EYA1: variants seen among roughly 807,000 people sequenced by gnomAD.
EYA1 encodes the protein protein phosphatase EYA1.
EYA1 carries 16 observed loss-of-function variants against 82.0 expected under a neutral mutation model. That is an observed-to-expected ratio of 0.20 (90% CI 0.13 to 0.30). The LOEUF (loss-of-function observed/expected upper bound fraction) is 0.30. Among genes scored for constraint, EYA1 ranks in the 10% least tolerant of loss-of-function variants. EYA1 has a pLI of 1.00. For missense variants in EYA1, 633 were observed against 730.7 expected, an observed-to-expected ratio of 0.87 and a Z score of 1.54; for synonymous variants, 261 against 264.4, an observed-to-expected ratio of 0.99 and a Z score of 0.12.
chr8:71,404,986 T>C (rs1830142889), intron 2 of EYA1: 2 of 151,594 alleles, frequency 1.3e-5, no homozygotes, highest in African/African-American at 2.4e-5. Flanking sequence ...CTTCACCTTA[T>C]TTTACATAGC....
intron 2 of EYA1, among the ~76,000 whole-genome samples, chr8:71,436,177 A>T (rs2129166144): frequency 6.6e-6 from 1 of 152,272 alleles, no homozygotes; most frequent in African/African-American, 2.4e-5. Context: ...CATAATGTAC[A>T]TAAAAGTCAC....
intron 11 of EYA1, among the ~76,000 whole-genome samples, chr8:71,257,068 A>T (rs968513667): frequency 3.9e-5 from 6 of 152,142 alleles, no homozygotes; most frequent in Non-Finnish European, 7.4e-5. Context: ...ATATTACAGA[A>T]TTATTTTTAA....
At chr8:71,492,790 G>T (rs1436880936) in intron 2 of EYA1, among the ~76,000 whole-genome samples, 3 of 152,028 alleles carry the variant, frequency 2.0e-5, no homozygotes, top group African/African-American at 7.2e-5. Context: ...TAAGTTCAGG[G>T]TACATGTGTA....
Position 71,322,288 on chromosome 8 carries a change from C to T in EYA1, c.203-20G>A. 3.1e-6 allele frequency: 5 copies of T among 1,601,722 alleles called. No individual in the cohort carries two copies. The highest frequency in any genetic ancestry group is 4.3e-6 in the Non-Finnish European group (5 of 1,168,942). On this transcript the variant is annotated intron_variant, in intron 4 of 17. Coordinates refer to ENST00000340726, the MANE Select transcript of EYA1 (RefSeq NM_000503.6). Reference sequence around the variant, plus strand: ...CAATTGCTGGAAAACAAAAACAAAACAAAATAATGCACAATAATCCAAGCA... The same window carrying T: ...CAATTGCTGGAAAACAAAAACAAAATAAAATAATGCACAATAATCCAAGCA...
intron 2 of EYA1, among the ~76,000 whole-genome samples, chr8:71,471,682 G>A (rs1451921523): frequency 6.6e-6 from 1 of 152,020 alleles, no homozygotes; most frequent in Non-Finnish European, 1.5e-5. Context: ...ATTCCTCACA[G>A]CATGGAGCTT....
At chr8:71,536,537 A>T (rs1814728839) in intron 1 of EYA1, among the ~76,000 whole-genome samples, 1 of 152,214 alleles carries the variant, frequency 6.6e-6, no homozygotes, top group Non-Finnish European at 1.5e-5. Context: ...TTTAAATGCC[A>T]TTCTAATTTC....
At chr8:71,266,140 T>C (rs899156709) in intron 11 of EYA1, among the ~76,000 whole-genome samples, 2 of 152,256 alleles carry the variant, frequency 1.3e-5, no homozygotes, top group Admixed American at 1.3e-4. Flanking sequence ...TTCTCAAGTA[T>C]CTGGTTCCCT....
At chr8:71,285,314 C>G (rs769636792) in intron 9 of EYA1, among the ~76,000 whole-genome samples, 36 of 151,560 alleles carry the variant, frequency 2.4e-4, no homozygotes, top group Non-Finnish European at 4.6e-4. Flanking sequence ...GAAACATATA[C>G]TTTAAGAAAA....
At chr8:71,251,390 C>A (rs1813729351) in intron 11 of EYA1, among the ~76,000 whole-genome samples, 1 of 152,168 alleles carries the variant, frequency 6.6e-6, no homozygotes, top group Non-Finnish European at 1.5e-5. Flanking sequence ...GTTCTTCACC[C>A]AAACAAAACT....
intron 7 of EYA1, among the ~76,000 whole-genome samples, chr8:71,317,285 G>A (rs946625051): frequency 1.3e-5 from 2 of 152,150 alleles, no homozygotes; most frequent in African/African-American, 4.8e-5. Flanking sequence ...AGACACAAAG[G>A]CAAAAATGTC....
intron 2 of EYA1, among the ~76,000 whole-genome samples, chr8:71,417,907 C>T (rs1239061503): frequency 1.3e-5 from 2 of 152,218 alleles, no homozygotes; most frequent in African/African-American, 4.8e-5. Context: ...AGTCCCTTTT[C>T]TTTCCTAAGT....
At position 71,321,910 on chromosome 8, in the gene EYA1, G is replaced by A. The variant is rs188212158; in HGVS notation, c.273-31C>T. 14 of 1,613,982 alleles carry A rather than the reference G, an allele frequency of 8.7e-6. No individual in the cohort carries two copies. The Admixed American group carries it at 1.3e-4, about 15-fold the overall frequency. ...TGTCAGAAATGACAGAAAATAGAAA[G>A]CCCATGCATTAGATGGAAACATGCA... is the stretch of plus-strand genomic sequence containing the variant. On this transcript the variant is annotated intron_variant, in intron 5 of 17. Transcript: ENST00000340726.
chr8:71,273,554 A>C (rs1315925063), intron 9 of EYA1, among the ~76,000 whole-genome samples: 1 of 152,248 alleles, frequency 6.6e-6, no homozygotes, highest in Non-Finnish European at 1.5e-5. Context: ...TTAAGTAGTC[A>C]AGTGGATTCA....
At chr8:71,501,661 C>T (rs1448754416) in intron 2 of EYA1, among the ~76,000 whole-genome samples, 9 of 152,160 alleles carry the variant, frequency 5.9e-5, no homozygotes, top group South Asian at 2.1e-4. Flanking sequence ...AAGGAGCGTT[C>T]GCCTCTGGGA....
rs112624075 is a variant in EYA1, at chr8:71,434,843, C to T, written c.34-78332G>A. 4.2e-4 allele frequency among the ~76,000 whole-genome samples: 64 copies of T among 152,134 alleles called. 1 individual carries two copies. The highest frequency in any genetic ancestry group is 1.3e-3 in the African/African-American group (54 of 41,522). ...GAAAGCTAAAATGCCTCCCTACTTA[C>T]GGGAGGGAATACAAGTTTTCATACA... On this transcript the variant is annotated intron_variant, in intron 2 of 18. Transcript: ENST00000643681.
At position 71,271,871 on chromosome 8, in the gene EYA1, T is replaced by C. The variant is rs781635264; in HGVS notation, c.853A>G (p.Thr285Ala). Residue 285 changes from threonine (T) to alanine (A), a missense_variant, in exon 10 of 18, where the codon ACA becomes GCA. Coordinates refer to ENST00000340726, the MANE Select transcript of EYA1 (RefSeq NM_000503.6). ...AEYSTIHSPS[T>A]PIKDSDSDRL... ...TCAGAATCTGAATCTTTAATGGGTG[T>C]TGATGGGCTGTGGATTGTGCTGTAC... 1.9e-6 allele frequency: 3 copies of C among 1,614,196 alleles called. No individual in the cohort carries two copies. The highest frequency in any genetic ancestry group is 2.5e-6 in the Non-Finnish European group (3 of 1,180,038).
intron 16 of EYA1, 131 bp downstream of exon 16, chr8:71,215,256 G>T: frequency 1.1e-6 from 1 of 898,488 alleles, no homozygotes; most frequent in Non-Finnish European, 1.7e-6. Context: ...TTGCAAATTG[G>T]TTAAATTATT....
At chr8:71,417,442 C>CT (rs1431008457) in intron 2 of EYA1, among the ~76,000 whole-genome samples, 1 of 152,072 alleles carries the variant, frequency 6.6e-6, no homozygotes, top group Non-Finnish European at 1.5e-5. Context: ...TTTAGAAAGC[C>CT]ATTTTTTGCC....
At chr8:71,437,143 C>T (rs1013566488) in intron 2 of EYA1, among the ~76,000 whole-genome samples, 2 of 149,506 alleles carry the variant, frequency 1.3e-5, no homozygotes, top group African/African-American at 4.9e-5. Context: ...ATATAATTAT[C>T]TGTATAAAAG....
Sources: gnomAD v4.1 joint callset for allele counts (sites outside exome capture counted in the v4.1 genomes callset) on GRCh38, gnomAD v4.1.1 for gene constraint, MANE v1.5 for transcripts, NCBI Gene and HGNC (gene_info 2026-07-23, HGNC 2026-07-21) for gene names.